GRIN3A: variants seen among roughly 807,000 people sequenced by gnomAD.
GRIN3A encodes the protein glutamate ionotropic receptor NMDA type subunit 3A.
A neutral mutation model predicts 92.4 loss-of-function variants in GRIN3A; 47 were observed. The ratio of observed to expected loss-of-function variants is 0.51; its 90% CI spans 0.40 to 0.65. The LOEUF (loss-of-function observed/expected upper bound fraction) is 0.65. GRIN3A is among the 30% of genes least tolerant of loss of function. GRIN3A has a pLI of 0.00. For synonymous variants in GRIN3A, 527 were observed against 540.6 expected, an observed-to-expected ratio of 0.97 and a Z score of 0.35; for missense variants, 1,324 against 1,393.1, an observed-to-expected ratio of 0.95 and a Z score of 0.79.
intron 4 of GRIN3A, among the ~76,000 whole-genome samples, chr9:101,625,301 C>G (rs1286028728): frequency 2.6e-5 from 4 of 152,176 alleles, no homozygotes; most frequent in African/African-American, 9.7e-5. Flanking sequence ...TCAGTCCTTC[C>G]TCTCTTAGAT....
At chr9:101,718,201 T>C (rs1829970838) in intron 1 of GRIN3A, among the ~76,000 whole-genome samples, 2 of 152,222 alleles carry the variant, frequency 1.3e-5, no homozygotes, top group African/African-American at 4.8e-5. Flanking sequence ...GGGTTTGGTC[T>C]AGTGAGAGAG....
chr9:101,617,368 T>C (rs530198835), intron 5 of GRIN3A, among the ~76,000 whole-genome samples: 20 of 152,122 alleles, frequency 1.3e-4, no homozygotes, highest in Non-Finnish European at 2.2e-4. Flanking sequence ...TTCATACTTA[T>C]GATAAATCTA....
In GRIN3A at chr9:101,623,930, G is replaced by A. The variant is rs1461473635; in HGVS notation, c.2499-497C>T. ...GGGACTAGGTTCAGATGAAGGGTGA[G>A]TCTCAGCATAGGCTGAGCTTCCACC... is the stretch of plus-strand genomic sequence containing the variant. On this transcript the variant is annotated intron_variant, in intron 4 of 8. Transcript: ENST00000361820. Among the ~76,000 whole-genome samples, 6 of 152,368 alleles carry A rather than the reference G, an allele frequency of 3.9e-5. No homozygotes were observed. In the East Asian group the frequency reaches 7.7e-4, roughly 20 times the overall value.
In GRIN3A at chr9:101,708,326, G is replaced by C. The variant is rs146061636; in HGVS notation, c.700-21126C>G. Among the ~76,000 whole-genome samples, 46 of 152,234 alleles carry C rather than the reference G, an allele frequency of 3.0e-4. 1 individual carries two copies. The East Asian group carries it at 8.5e-3, about 28-fold the overall frequency. On this transcript the variant is annotated intron_variant, in intron 1 of 8. Transcript: ENST00000361820. ...GCAATGTGTTGTCCAGTGTTGAGGA[G>C]ACTGGAATTATACGTCTTTTATGTA...
At chr9:101,597,520 G>T (rs1035755705) in intron 6 of GRIN3A, among the ~76,000 whole-genome samples, 1 of 152,160 alleles carries the variant, frequency 6.6e-6, no homozygotes, top group Non-Finnish European at 1.5e-5. Context: ...TATAGTTACA[G>T]GCCTCCACTA....
At chr9:101,724,187 CG>C (rs57655257) in intron 1 of GRIN3A, among the ~76,000 whole-genome samples, 64,924 of 151,898 alleles carry the variant, frequency 0.43, 14,080 homozygotes, top group Non-Finnish European at 0.47. Context: ...CGAGGAGGCT[CG>C]GGCCGCACAG....
intron 1 of GRIN3A, among the ~76,000 whole-genome samples, chr9:101,711,533 G>A (rs536707492): frequency 1.3e-5 from 2 of 152,294 alleles, no homozygotes; most frequent in East Asian, 3.9e-4. Context: ...GCCAGTAGAG[G>A]CCACTAGGGG....
At position 101,648,054 on chromosome 9, in the gene GRIN3A, C is replaced by T. The variant is rs931411978; in HGVS notation, c.2353-19653G>A. ...TTGGTTTATTCTTGCTTTTCTAGTT[C>T]GTTGAGGTGCATTATTTGGAAATCT... On this transcript the variant is annotated intron_variant, in intron 3 of 8. Transcript: ENST00000361820. 5.9e-5 allele frequency among the ~76,000 whole-genome samples: 9 copies of T among 151,650 alleles called. No homozygotes were observed. The South Asian group carries it at 8.3e-4, about 14-fold the overall frequency.
chr9:101,684,973 C>G (rs751010219), intron 2 of GRIN3A, among the ~76,000 whole-genome samples: 2 of 152,068 alleles, frequency 1.3e-5, no homozygotes, highest in Admixed American at 1.3e-4. Flanking sequence ...TATGTGCGAG[C>G]TTGCCAACAG....
In GRIN3A at chr9:101,624,204, TA is replaced by T. The variant is rs199699490; in HGVS notation, c.2499-772del. 5.6e-3 allele frequency among the ~76,000 whole-genome samples: 859 copies of T among 152,192 alleles called. 8 individuals are homozygous for T. The highest frequency in any genetic ancestry group is 0.02 in the African/African-American group (828 of 41,544). On this transcript the variant is annotated intron_variant, in intron 4 of 8. Coordinates refer to ENST00000361820, the MANE Select transcript of GRIN3A (RefSeq NM_133445.3). ...TGGAAATGGACTATCATTCCTTTTT[TA>T]AAAATTTTTTTTATTTTTTTATTTT...
chr9:101,699,233 C>T (rs962005385), intron 1 of GRIN3A, among the ~76,000 whole-genome samples: 2 of 151,976 alleles, frequency 1.3e-5, no homozygotes, highest in Non-Finnish European at 2.9e-5. Context: ...CAGGATCATC[C>T]ATATCACTGA....
intron 1 of GRIN3A, among the ~76,000 whole-genome samples, chr9:101,720,763 A>C (rs1830002014): frequency 6.6e-6 from 1 of 152,224 alleles, no homozygotes; most frequent in Non-Finnish European, 1.5e-5. Context: ...ATTGATTAAA[A>C]AATCATACAC....
intron 3 of GRIN3A, among the ~76,000 whole-genome samples, chr9:101,660,965 A>T (rs1829164623): frequency 6.6e-6 from 1 of 151,846 alleles, no homozygotes; most frequent in Non-Finnish European, 1.5e-5. Context: ...GGTTCTGAGG[A>T]TACAGTGTTA....
At chr9:101,623,471 C>A in intron 4 of GRIN3A, 38 bp from the exon 5 acceptor site, 1 of 1,363,182 alleles carries the variant, frequency 7.3e-7, no homozygotes, top group Non-Finnish European at 1.1e-6. Context: ...GAAAATGATT[C>A]ATTAATGGGA....
At chr9:101,672,289 C>T (rs1337995153) in intron 2 of GRIN3A, among the ~76,000 whole-genome samples, 1 of 152,172 alleles carries the variant, frequency 6.6e-6, no homozygotes, top group African/African-American at 2.4e-5. Flanking sequence ...CATGCTACAT[C>T]TAACTTGGAA....
chr9:101,620,116 G>T (rs1828530433), intron 5 of GRIN3A, among the ~76,000 whole-genome samples: 2 of 152,142 alleles, frequency 1.3e-5, no homozygotes, highest in African/African-American at 4.8e-5. Context: ...ATCTTAGTCT[G>T]CTCAGGCTTC....
At chr9:101,584,401 T>A (rs1025880245) in intron 6 of GRIN3A, among the ~76,000 whole-genome samples, 4 of 152,246 alleles carry the variant, frequency 2.6e-5, no homozygotes, top group African/African-American at 9.6e-5. Flanking sequence ...ACATAGTTTG[T>A]ATCTGATACT....
At chr9:101,661,303 A>G (rs893713362) in intron 3 of GRIN3A, among the ~76,000 whole-genome samples, 1 of 151,906 alleles carries the variant, frequency 6.6e-6, no homozygotes, top group Non-Finnish European at 1.5e-5. Flanking sequence ...TAATACATGA[A>G]TGTTGTAAAA....
At chr9:101,584,221 C>G (rs951908862) in intron 6 of GRIN3A, among the ~76,000 whole-genome samples, 3 of 152,200 alleles carry the variant, frequency 2.0e-5, no homozygotes, top group African/African-American at 4.8e-5. Flanking sequence ...CAAACTTACT[C>G]TAGCCCACCC....
Sources: gnomAD v4.1 joint callset for allele counts (sites outside exome capture counted in the v4.1 genomes callset) on GRCh38, gnomAD v4.1.1 for gene constraint, MANE v1.5 for transcripts, NCBI Gene and HGNC (gene_info 2026-07-23, HGNC 2026-07-21) for gene names.